Variants in CCDC171 observed in about 807,000 individuals in gnomAD.
CCDC171 encodes the protein coiled-coil domain-containing protein 171.
In CCDC171, 177 loss-of-function variants were observed where a neutral mutation model predicts 168.2. That is an observed-to-expected ratio of 1.05 (90% CI 0.93 to 1.19). CCDC171 has a LOEUF of 1.19. CCDC171 is among the 50% of genes most tolerant of loss of function. The probability of loss-of-function intolerance (pLI) is 0.00; values close to 1 mark genes in which losing one functional copy is unlikely to be tolerated. For synonymous variants in CCDC171, 687 were observed against 540.8 expected (o/e 1.27, Z -3.75); for missense variants, 1,991 against 1,539.0 (o/e 1.29, Z -4.91).
At chr9:15,988,560 C>A (rs192016453) in intron 3 of CCDC171, among the ~76,000 whole-genome samples, 2 of 152,132 alleles carry the variant, frequency 1.3e-5, no homozygotes, top group Non-Finnish European at 2.9e-5. Flanking sequence ...CTCACTGGGG[C>A]TTGTCAGACA....
At chr9:16,079,614 G>T in the CCDC171 span, among the ~76,000 whole-genome samples, 1 of 152,216 alleles carries the variant, frequency 6.6e-6, no homozygotes, top group African/African-American at 2.4e-5. Flanking sequence ...GCCTGGAGCC[G>T]ATTCTTTCTG....
chr9:15,927,421 A>T (rs1826017269), intron 25 of CCDC171, among the ~76,000 whole-genome samples: 1 of 151,712 alleles, frequency 6.6e-6, no homozygotes, highest in South Asian at 2.1e-4. Context: ...ATGGAGAAAC[A>T]TGATACTTCA....
rs2044674389 is a variant in CCDC171, at chr9:15,623,423, C to G, written c.822+10C>G. 7 of 1,562,712 alleles carry G rather than the reference C, an allele frequency of 4.5e-6. No homozygotes were observed. Among genetic ancestry groups the G allele is most frequent in the Non-Finnish European group, 6.1e-6 (7 of 1,150,180 alleles). ...TAGAAAAGAATTTGAGGTACATTTT[C>G]TCATTCCTTTATAATATATATGCGT... On this transcript the variant is annotated intron_variant, in intron 7 of 25. Transcript: ENST00000380701.
intron 16 of CCDC171, 91 bp from the exon 17 acceptor site, chr9:15,744,182 T>C: frequency 9.8e-7 from 1 of 1,024,390 alleles, no homozygotes. Flanking sequence ...GAAGTGGTTG[T>C]CAGCAAAAGT....
intron 3 of CCDC171, among the ~76,000 whole-genome samples, chr9:16,009,127 C>T (rs1447724283): frequency 6.6e-6 from 1 of 152,036 alleles, no homozygotes; most frequent in African/African-American, 2.4e-5. Flanking sequence ...TTATGGAGAA[C>T]AGTTTAGGTC....
rs766045155 is a variant in CCDC171 at position 15,784,660 on chromosome 9, C to G, written c.3233C>G (p.Ala1078Gly). 1.2e-6 allele frequency: 2 copies of G among 1,612,696 alleles called. No individual in the cohort carries two copies. Among genetic ancestry groups the G allele is most frequent in the Non-Finnish European group, 1.7e-6 (2 of 1,179,316 alleles). Reference protein sequence around the residue: ...YKLELHSSEEADKNQTLGEAV... With the variant: ...YKLELHSSEEGDKNQTLGEAV... ...CTTGAATTGCACTCCAGTGAGGAAG[C>G]TGACAAAAACCAAACTCTTGGAGAA... The change falls in exon 21 of 26, where the codon GCT becomes GGT. Residue 1078 changes from alanine (A) to glycine (G), a missense_variant. Coordinates refer to ENST00000380701, the MANE Select transcript of CCDC171 (RefSeq NM_173550.4).
chr9:16,073,183 A>T, the CCDC171 span, among the ~76,000 whole-genome samples: 1 of 152,250 alleles, frequency 6.6e-6, no homozygotes, highest in African/African-American at 2.4e-5. Context: ...AACTGGAGTC[A>T]GCGGATGAGT....
chr9:15,783,544 G>A (rs115504236), intron 20 of CCDC171, among the ~76,000 whole-genome samples: 2,268 of 152,220 alleles, frequency 0.015, 67 homozygotes, highest in African/African-American at 0.051. Context: ...GGCCTGAATC[G>A]TTCCTTTGAG....
intron 6 of CCDC171, among the ~76,000 whole-genome samples, chr9:16,029,745 C>G (rs1016479934): frequency 6.6e-6 from 1 of 151,998 alleles, no homozygotes; most frequent in Non-Finnish European, 1.5e-5. Context: ...GACTTGGGAA[C>G]CAAATTGGTG....
chr9:15,710,362 G>T (rs2052568977), intron 11 of CCDC171, among the ~76,000 whole-genome samples: 1 of 151,712 alleles, frequency 6.6e-6, no homozygotes, highest in South Asian at 2.1e-4. Flanking sequence ...GGCTGGAGTG[G>T]CGCCATCTCA....
At position 15,622,042 on chromosome 9, in the gene CCDC171, A is replaced by G. The variant is rs150649034; in HGVS notation, c.676-1225A>G. ...AACTAACACAGGAACAGAAAACCAA[A>G]TACCACATGTTCTCACTTCCAAGTG... is the stretch of plus-strand genomic sequence containing the variant. On this transcript the variant is annotated intron_variant, in intron 6 of 25. Coordinates refer to ENST00000380701, the MANE Select transcript of CCDC171 (RefSeq NM_173550.4). Among the ~76,000 whole-genome samples, 246 of 152,340 alleles carry G rather than the reference A, an allele frequency of 1.6e-3. 1 individual carries two copies. The highest frequency in any genetic ancestry group is 3.3e-3 in the Admixed American group (50 of 15,294).
chr9:15,559,293 A>G (rs2039074545), intron 1 of CCDC171, among the ~76,000 whole-genome samples: 1 of 151,956 alleles, frequency 6.6e-6, no homozygotes, highest in South Asian at 2.1e-4. Flanking sequence ...ATCCTTGTTA[A>G]CTTTCTGTCT....
intron 9 of CCDC171, among the ~76,000 whole-genome samples, chr9:15,670,505 T>A (rs781313241): frequency 3.3e-5 from 5 of 152,186 alleles, no homozygotes; most frequent in Non-Finnish European, 7.3e-5. Context: ...CTGGTTCTTC[T>A]GATATTTGAT....
intron 21 of CCDC171, among the ~76,000 whole-genome samples, chr9:15,792,337 C>G (rs1360825066): frequency 1.3e-5 from 2 of 152,208 alleles, no homozygotes; most frequent in Non-Finnish European, 2.9e-5. Context: ...AAGACCAGAT[C>G]TACGTCTGTT....
chr9:15,739,900 G>A (rs1413470455), intron 16 of CCDC171, among the ~76,000 whole-genome samples: 1 of 152,034 alleles, frequency 6.6e-6, no homozygotes. Context: ...ACCATGCCTG[G>A]CTAATTTTTT....
intron 23 of CCDC171, among the ~76,000 whole-genome samples, chr9:15,858,928 A>G (rs188771958): frequency 6.6e-6 from 1 of 152,222 alleles, no homozygotes; most frequent in Admixed American, 6.5e-5. Flanking sequence ...TATGTTGAAT[A>G]CAAGTGGTAG....
intron 6 of CCDC171, among the ~76,000 whole-genome samples, chr9:16,032,550 A>G (rs776343355): frequency 2.0e-5 from 3 of 152,178 alleles, no homozygotes; most frequent in Non-Finnish European, 4.4e-5. Flanking sequence ...ATGTTTTCTC[A>G]TCTGTACAGC....
chr9:15,904,594 C>G lies in CCDC171; in HGVS notation c.3601-15676C>G, dbSNP rs1214289052. On this transcript the variant is annotated intron_variant, in intron 24 of 25. Coordinates refer to ENST00000380701, the MANE Select transcript of CCDC171 (RefSeq NM_173550.4). ...TGCCAAATTGTAAAGACCATCGAGG[C>G]TAGGAAAAACTGCATCAACTAACGA... 2.0e-5 allele frequency among the ~76,000 whole-genome samples: 3 copies of G among 152,140 alleles called. No homozygotes were observed. In the East Asian group the frequency reaches 5.8e-4, roughly 29 times the overall value.
At chr9:15,922,376 CTAAAG>C (rs1363262274) in intron 25 of CCDC171, among the ~76,000 whole-genome samples, 4 of 151,512 alleles carry the variant, frequency 2.6e-5, no homozygotes, top group Non-Finnish European at 4.4e-5. Flanking sequence ...TAAGAACTCT[CTAAAG>C]GAAATAGAAA....
Sources: gnomAD v4.1 joint callset for allele counts (sites outside exome capture counted in the v4.1 genomes callset) on GRCh38, gnomAD v4.1.1 for gene constraint, MANE v1.5 for transcripts, NCBI Gene and HGNC (gene_info 2026-07-23, HGNC 2026-07-21) for gene names.